The following AHNAK variants were observed in gnomAD, a reference collection of about 807,000 sequenced individuals.
AHNAK encodes AHNAK nucleoprotein.
A neutral mutation model predicts 37.8 loss-of-function variants in AHNAK; 23 were observed. That is an observed-to-expected ratio of 0.61 (90% CI 0.44 to 0.86). AHNAK has a LOEUF of 0.86. AHNAK is among the 40% of genes least tolerant of loss of function. The pLI, the probability that AHNAK is intolerant of heterozygous loss-of-function variation, is 0.00. For synonymous variants in AHNAK, 2,481 were observed against 2,636.3 expected (o/e 0.94, Z 1.80); for missense variants, 7,411 against 7,319.4 (o/e 1.01, Z -0.46).
intron 1 of AHNAK, among the ~76,000 whole-genome samples, chr11:62,542,577 G>A (rs982421707): frequency 3.3e-5 from 5 of 152,110 alleles, no homozygotes; most frequent in Non-Finnish European, 7.4e-5. Flanking sequence ...GCCACGCACA[G>A]CCCCATCCCA....
rs1258340330 is a variant in AHNAK at position 62,529,771 on chromosome 11, T to C, written c.4646A>G (p.Asp1549Gly). 9.3e-6 allele frequency: 15 copies of C among 1,614,198 alleles called. No homozygotes were observed. The highest frequency in any genetic ancestry group is 1.3e-5 in the Non-Finnish European group (15 of 1,180,048). ...AGCTTCAAGATTCACATCTGGAACA[T>C]CAATGTCCACCTTGGGTCCTGAAAC... The part of the protein sequence containing the change: ...LGVSGPKVDI[D>G]VPDVNLEAPE... Residue 1549 changes from aspartate to glycine, a missense_variant, in exon 5 of 5, where the codon GAT becomes GGT. Asp to Gly is a moderately conservative substitution (Grantham distance 94). Coordinates refer to ENST00000378024, the MANE Select transcript of AHNAK (RefSeq NM_001620.3).
intron 5 of AHNAK, among the ~76,000 whole-genome samples, chr11:62,436,732 C>T (rs183053751): frequency 6.6e-6 from 1 of 151,270 alleles, no homozygotes. Context: ...GTCAGGAGAT[C>T]GAGACCATCC....
chr11:62,442,576 G>A (rs1307492167), intron 5 of AHNAK, among the ~76,000 whole-genome samples: 1 of 151,136 alleles, frequency 6.6e-6, no homozygotes, highest in African/African-American at 2.4e-5. Context: ...AATCTATTTA[G>A]AGAAAAATAT....
At position 62,522,876 on chromosome 11, in the gene AHNAK, C is replaced by G. The variant is rs1382709591; in HGVS notation, c.11541G>C (p.Val3847=). Residue 3847 remains valine (V), a synonymous_variant, in exon 5 of 5, where the codon GTG becomes GTC. Transcript: ENST00000378024. ...GPKVDIDVPD[V]NIEGPEGKLK... ...ACTTTCCCTCTGGGCCTTCGATATT[C>G]ACATCTGGAACATCAATGTCCACCT... The G allele has an allele frequency of 6.2e-7, 1 of 1,612,564 alleles. No homozygotes were observed. The highest frequency in any genetic ancestry group is 1.3e-5 in the African/African-American group (1 of 74,350).
Position 62,525,097 on chromosome 11 carries a change from C to G in AHNAK, c.9320G>C (p.Gly3107Ala). 6.2e-7 allele frequency: 1 copy of G among 1,614,130 alleles called. No homozygotes were observed. ...DLNLKGPKVK[G>A]DMDVSLPKVE... ...TTTTGGCAGAGACACATCCATGTCA[C>G]CCTTCACTTTGGGACCTTTCAGGTT... The change falls in exon 5 of 5, where the codon GGT becomes GCT. Residue 3107 changes from glycine to alanine, a missense_variant. Transcript: ENST00000378024.
intron 5 of AHNAK, among the ~76,000 whole-genome samples, chr11:62,435,443 C>T (rs1938141669): frequency 6.6e-6 from 1 of 151,918 alleles, no homozygotes; most frequent in Non-Finnish European, 1.5e-5. Flanking sequence ...GACGGAGTCT[C>T]GCTGTTGCCC....
chr11:62,444,018 CA>C (rs1185777916), intron 5 of AHNAK, among the ~76,000 whole-genome samples: 1 of 152,192 alleles, frequency 6.6e-6, no homozygotes, highest in Non-Finnish European at 1.5e-5. Context: ...TTGAGGCCAA[CA>C]CCGTCCCCCT....
intron 4 of AHNAK, chr11:62,491,870 A>G (rs1939510316): frequency 6.4e-7 from 1 of 1,560,204 alleles, no homozygotes; most frequent in Non-Finnish European, 8.8e-7. Flanking sequence ...CACTCATCAA[A>G]TCATCCAATC....
At position 62,516,839 on chromosome 11, in the gene AHNAK, A is replaced by T. The variant is rs1940034159; in HGVS notation, c.17578T>A (p.Ser5860Thr). ...GSGVSLASKKSRLSSSSSNDS... is the reference protein window; with the variant it reads ...GSGVSLASKKTRLSSSSSNDS... Reference sequence around the variant, plus strand: ...TTGCTAGAAGAGGAGGACAGTCGGGACTTCTTAGAGGCCAGGGACACCCCA... The same window carrying T: ...TTGCTAGAAGAGGAGGACAGTCGGGTCTTCTTAGAGGCCAGGGACACCCCA... Residue 5860 changes from serine (S) to threonine (T), a missense_variant, in exon 5 of 5, where the codon TCC becomes ACC. Physicochemically the swap from Ser to Thr is moderately conservative, Grantham distance 58 (BLOSUM62 1). Transcript: ENST00000378024. 6.2e-7 allele frequency: 1 copy of T among 1,613,992 alleles called. No homozygotes were observed. The highest frequency in any genetic ancestry group is 2.2e-5 in the East Asian group (1 of 44,872).
At chr11:62,444,363 C>A (rs1381542352) in intron 5 of AHNAK, among the ~76,000 whole-genome samples, 1 of 152,226 alleles carries the variant, frequency 6.6e-6, no homozygotes, top group Non-Finnish European at 1.5e-5. Flanking sequence ...GGGTGCCCAG[C>A]CAAGGAAGCT....
At chr11:62,482,213 G>A (rs771425316) in intron 5 of AHNAK, among the ~76,000 whole-genome samples, 7 of 152,202 alleles carry the variant, frequency 4.6e-5, no homozygotes, top group Non-Finnish European at 5.9e-5. Flanking sequence ...CCCGGAGTTC[G>A]AGACCATCCT....
Position 62,463,805 on chromosome 11 carries a change from C to T in AHNAK, c.442+27927G>A, listed in dbSNP as rs369626796. On this transcript the variant is annotated intron_variant, in intron 5 of 5. Coordinates refer to the AHNAK transcript ENST00000257247. ...GGGAGACAGAGTCTTGCTCTATCCC[C>T]CAGGCTGGAGTGCAATGGTACGATC... Among the ~76,000 whole-genome samples, 9 of 152,088 alleles carry T rather than the reference C, an allele frequency of 5.9e-5. No homozygotes were observed. In the East Asian group the frequency reaches 9.7e-4, roughly 16 times the overall value.
Position 62,524,107 on chromosome 11 carries a change from C to A in AHNAK, c.10310G>T (p.Gly3437Val). Reference sequence around the variant, plus strand: ...TTTAAAGTCACCTTCTAAATTGGGACCTGCAATATCTAAGTCTCCTTTGAC... The same window carrying A: ...TTTAAAGTCACCTTCTAAATTGGGAACTGCAATATCTAAGTCTCCTTTGAC... Reference protein sequence around the residue: ...PKVKGDLDIAGPNLEGDFKGP... With the variant: ...PKVKGDLDIAVPNLEGDFKGP... The change falls in exon 5 of 5, where the codon GGT becomes GTT. Residue 3437 changes from glycine (G) to valine (V), a missense_variant. By Grantham distance (109) the Gly-to-Val change is moderately radical. Transcript: ENST00000378024. The A allele has an allele frequency of 6.2e-7, 1 of 1,614,034 alleles. No individual in the cohort carries two copies. Among genetic ancestry groups the A allele is most frequent in the Non-Finnish European group, 8.5e-7 (1 of 1,180,022 alleles).
At chr11:62,439,228 G>A (rs576030495) in intron 5 of AHNAK, among the ~76,000 whole-genome samples, 1 of 151,426 alleles carries the variant, frequency 6.6e-6, no homozygotes, top group East Asian at 2.0e-4. Flanking sequence ...CCGAGTAGCT[G>A]GGATTACAAG....
chr11:62,486,020 CAAAAAAAAA>C (rs139783265), intron 5 of AHNAK, among the ~76,000 whole-genome samples: 811 of 68,424 alleles, frequency 0.012, 20 homozygotes, highest in Admixed American at 0.092. Context: ...GACTTTGTCT[CAAAAAAAAA>C]AAAAAAAAAA....
chr11:62,539,473 G>A (rs569970106), intron 1 of AHNAK, among the ~76,000 whole-genome samples: 45 of 142,498 alleles, frequency 3.2e-4, no homozygotes, highest in African/African-American at 1.0e-3. Context: ...ACTGCAGCTG[G>A]CTGCAACAGC....
intron 5 of AHNAK, among the ~76,000 whole-genome samples, chr11:62,454,412 C>CAAAAAAAAAA (rs5792260): frequency 1.6e-5 from 2 of 126,148 alleles, no homozygotes; most frequent in Non-Finnish European, 3.3e-5. Flanking sequence ...GACTCCATCT[C>CAAAAAAAAAA]AAAAAAAAAA....
chr11:62,525,926 T>TA lies in AHNAK; in HGVS notation c.8490dup (p.Lys2831Ter), dbSNP rs1940465724. ...TCTGGCATGGATATCTTTGGAGTCT[T>TA]AAAATGCATCTCTGGCATCTTAAAC... is the stretch of plus-strand genomic sequence containing the variant. On this transcript the variant is annotated frameshift_variant, in exon 5 of 5. Coordinates refer to ENST00000378024, the MANE Select transcript of AHNAK (RefSeq NM_001620.3). LOFTEE classifies it low-confidence loss of function (END_TRUNC). 6.2e-7 allele frequency: 1 copy of TA among 1,614,210 alleles called. No homozygotes were observed. Among genetic ancestry groups the TA allele is most frequent in the African/African-American group, 1.3e-5 (1 of 75,052 alleles).
At position 62,527,001 on chromosome 11, in the gene AHNAK, A is replaced by T; in HGVS notation, c.7416T>A (p.Asp2472Glu). ...TACCTTCTACCTCAGGCACAGACAC[A>T]TCCACATCCCCCTTGATTTTGGGTC... ...LKGPKIKGDV[D>E]VSVPEVEGKL... Residue 2472 changes from aspartate to glutamate, a missense_variant, in exon 5 of 5, where the codon GAT (aspartate) becomes GAA (glutamate). Coordinates refer to ENST00000378024, the MANE Select transcript of AHNAK (RefSeq NM_001620.3). 1.2e-6 allele frequency: 2 copies of T among 1,613,982 alleles called. No homozygotes were observed. Among genetic ancestry groups the T allele is most frequent in the Non-Finnish European group, 1.7e-6 (2 of 1,179,926 alleles).
Sources: allele counts gnomAD v4.1 joint callset (sites outside exome capture counted in the v4.1 genomes callset), GRCh38; gene constraint gnomAD v4.1.1; transcripts MANE v1.5; gene names NCBI Gene and HGNC (gene_info 2026-07-23, HGNC 2026-07-21).